TSPEAR: variants seen among roughly 807,000 people sequenced by gnomAD.
TSPEAR encodes thrombospondin type laminin G domain and EAR repeats, also known as thrombospondin-type laminin G domain and EAR repeat-containing protein.
In TSPEAR, 69 loss-of-function variants were observed where a neutral mutation model predicts 71.6. The observed-to-expected ratio is 0.96, with a 90% confidence interval of 0.79 to 1.18. TSPEAR has a LOEUF of 1.18. Among genes scored for constraint, TSPEAR ranks in the 50% most tolerant of loss-of-function variants. The pLI is 0.00. For synonymous variants in TSPEAR, 402 were observed against 387.2 expected, an observed-to-expected ratio of 1.04 and a Z score of -0.45; for missense variants, 971 against 894.9, an observed-to-expected ratio of 1.09 and a Z score of -1.09.
intron 1 of TSPEAR, among the ~76,000 whole-genome samples, chr21:44,606,728 A>G (rs587641217): frequency 5.3e-5 from 8 of 152,360 alleles, no homozygotes; most frequent in African/African-American, 1.9e-4. Flanking sequence ...GACAACTTGA[A>G]TGGACCTGGA....
At chr21:44,684,442 G>A (rs184776212) in intron 1 of TSPEAR, among the ~76,000 whole-genome samples, 4 of 152,212 alleles carry the variant, frequency 2.6e-5, no homozygotes, top group Non-Finnish European at 5.9e-5. Context: ...GATGAGGCAG[G>A]AGGATAGCTT....
At chr21:44,507,967 T>C (rs1601324546) in intron 10 of TSPEAR, 1 of 152,242 alleles carries the variant, frequency 6.6e-6, no homozygotes, top group Non-Finnish European at 1.5e-5. Flanking sequence ...ATTATGAGTG[T>C]TCTTTTTTTA....
intron 1 of TSPEAR, among the ~76,000 whole-genome samples, chr21:44,660,529 A>G (rs781951113): frequency 6.6e-6 from 1 of 152,266 alleles, no homozygotes; most frequent in Non-Finnish European, 1.5e-5. Flanking sequence ...GTGTCTTTCA[A>G]AAATGAAAGA....
intron 1 of TSPEAR, among the ~76,000 whole-genome samples, chr21:44,651,203 C>A (rs1555941348): frequency 4.6e-5 from 7 of 152,132 alleles, no homozygotes; most frequent in Admixed American, 3.9e-4. Flanking sequence ...AGAGTGACAG[C>A]CCAGTCACCA....
chr21:44,652,113 A>G (rs1340584994), intron 1 of TSPEAR, among the ~76,000 whole-genome samples: 1 of 150,800 alleles, frequency 6.6e-6, no homozygotes, highest in Non-Finnish European at 1.5e-5. Context: ...CCTCCCGAAT[A>G]GCTGGGAGTA....
intron 1 of TSPEAR, chr21:44,666,603 C>A (rs1555944790): frequency 1.2e-6 from 2 of 1,613,306 alleles, no homozygotes; most frequent in Admixed American, 3.3e-5. Flanking sequence ...GGGGGCTGCA[C>A]ACACAATGGG....
At chr21:44,508,614 G>A in intron 10 of TSPEAR, 1 of 1,181,742 alleles carries the variant, frequency 8.5e-7, no homozygotes, top group Non-Finnish European at 1.1e-6. Flanking sequence ...CCAAAATGTG[G>A]TGCCCACGCA....
At chr21:44,538,650 C>G (rs868937320) in intron 2 of TSPEAR, among the ~76,000 whole-genome samples, 61 of 152,290 alleles carry the variant, frequency 4.0e-4, no homozygotes, top group African/African-American at 1.4e-3. Flanking sequence ...GTGCCCGGAC[C>G]CCAGGGCAGC....
intron 6 of TSPEAR, among the ~76,000 whole-genome samples, 191 bp downstream of exon 6, chr21:44,528,261 G>A (rs933158058): frequency 6.6e-6 from 1 of 152,198 alleles, no homozygotes; most frequent in Non-Finnish European, 1.5e-5. Flanking sequence ...GGAGGGCAGT[G>A]TCCTGCCCGC....
intron 2 of TSPEAR, among the ~76,000 whole-genome samples, chr21:44,540,851 G>A (rs1485739710): frequency 6.6e-6 from 1 of 152,240 alleles, no homozygotes; most frequent in African/African-American, 2.4e-5. Context: ...GGATAGGACT[G>A]GGTTTCGGAC....
At chr21:44,592,180 G>A in intron 1 of TSPEAR, 1 of 1,583,262 alleles carries the variant, frequency 6.3e-7, no homozygotes, top group Non-Finnish European at 8.6e-7. Flanking sequence ...GCAGGGGGAG[G>A]AGGCACAGCA....
At chr21:44,595,760 A>G (rs1425907955) in intron 1 of TSPEAR, among the ~76,000 whole-genome samples, 1 of 152,234 alleles carries the variant, frequency 6.6e-6, no homozygotes, top group Non-Finnish European at 1.5e-5. Flanking sequence ...GTAAACATAT[A>G]TGCACATACA....
At chr21:44,677,539 C>T (rs1986374180) in intron 1 of TSPEAR, 1 of 838,832 alleles carries the variant, frequency 1.2e-6, no homozygotes, top group Non-Finnish European at 2.0e-6. Context: ...CATGGTCGTT[C>T]CCTTATAGAA....
At chr21:44,580,855 C>A (rs587602382) in intron 1 of TSPEAR, among the ~76,000 whole-genome samples, 1 of 152,026 alleles carries the variant, frequency 6.6e-6, no homozygotes, top group Non-Finnish European at 1.5e-5. Flanking sequence ...GTTTCTTCAT[C>A]GGTTCTTATT....
At chr21:44,679,526 T>G (rs782573491) in intron 1 of TSPEAR, among the ~76,000 whole-genome samples, 3 of 152,198 alleles carry the variant, frequency 2.0e-5, no homozygotes, top group Non-Finnish European at 4.4e-5. Context: ...ATGACATGTT[T>G]CACAGAAGTA....
At chr21:44,638,081 C>G in intron 1 of TSPEAR, 1 of 1,613,634 alleles carries the variant, frequency 6.2e-7, no homozygotes, top group Non-Finnish European at 8.5e-7. Flanking sequence ...CAGCTGCTGC[C>G]GCACGGCCTC....
At chr21:44,579,155 T>G (rs1196487774) in intron 1 of TSPEAR, among the ~76,000 whole-genome samples, 1 of 152,180 alleles carries the variant, frequency 6.6e-6, no homozygotes, top group South Asian at 2.1e-4. Context: ...AAGGTGACCC[T>G]GCAGGGTGGG....
intron 9 of TSPEAR, chr21:44,518,150 G>C (rs1190414624): frequency 2.7e-6 from 1 of 367,494 alleles, no homozygotes; most frequent in Non-Finnish European, 5.5e-6. Context: ...CGTAAGTGCA[G>C]TATCATCTTG....
intron 1 of TSPEAR, chr21:44,658,457 T>G: frequency 3.2e-6 from 2 of 617,870 alleles, no homozygotes; most frequent in South Asian, 4.1e-5. Context: ...CAAGGAAGTC[T>G]TGGCTGCCAG....
Sources: gnomAD v4.1 joint callset for allele counts (sites outside exome capture counted in the v4.1 genomes callset) on GRCh38, gnomAD v4.1.1 for gene constraint, MANE v1.5 for transcripts, NCBI Gene and HGNC (gene_info 2026-07-23, HGNC 2026-07-21) for gene names.